Variants in ZNF678 observed in about 807,000 individuals in gnomAD.
ZNF678 encodes zinc finger protein 678.
Under a neutral mutation model 3.0 loss-of-function variants are expected in ZNF678, and 5 were observed. The ratio of observed to expected loss-of-function variants is 1.69; its 90% confidence interval spans 0.88 to 3.56. ZNF678 has a LOEUF of 3.56. Ranked by LOEUF, ZNF678 falls within the 30% of genes most tolerant of loss-of-function variation. ZNF678 has a pLI of 0.00. For synonymous variants in ZNF678, 218 were observed against 199.6 expected (o/e 1.09, Z -0.78); for missense variants, 593 against 605.0 (o/e 0.98, Z 0.21).
chr1:227,612,111 C>T (rs1236855565), intron 1 of ZNF678, among the ~76,000 whole-genome samples: 1 of 152,168 alleles, frequency 6.6e-6, no homozygotes, highest in Non-Finnish European at 1.5e-5. Flanking sequence ...GGTGTACCTA[C>T]TTTAGTGATG....
At chr1:227,579,113 A>G (rs1201164774) in intron 1 of ZNF678, among the ~76,000 whole-genome samples, 1 of 152,098 alleles carries the variant, frequency 6.6e-6, no homozygotes, top group Non-Finnish European at 1.5e-5. Context: ...AATCCACTGC[A>G]CTGTATATAT....
At chr1:227,588,007 C>T (rs1027413475) in intron 1 of ZNF678, among the ~76,000 whole-genome samples, 1 of 152,128 alleles carries the variant, frequency 6.6e-6, no homozygotes, top group South Asian at 2.1e-4. Flanking sequence ...AACAGGTGCC[C>T]AGTGTGTGTT....
chr1:227,644,386 CA>C (rs903783675), intron 1 of ZNF678, among the ~76,000 whole-genome samples: 2 of 152,152 alleles, frequency 1.3e-5, no homozygotes, highest in Non-Finnish European at 2.9e-5. Context: ...TGTTTGTGCA[CA>C]AGTTGTTTCC....
In ZNF678 at chr1:227,588,138, C is replaced by T. The variant is rs141244003; in HGVS notation, c.-164+24414C>T. ...GAGAATAATGGTTTCCAACTCCATC[C>T]GTGTCCCTGCAAAGGACATGATCTC... On this transcript the variant is annotated intron_variant, in intron 1 of 3. Coordinates refer to ENST00000343776, the MANE Select transcript of ZNF678 (RefSeq NM_001367909.1). Among the ~76,000 whole-genome samples the T allele has an allele frequency of 5.2e-3, 794 of 152,228 alleles. 3 individuals are homozygous for T. The highest frequency in any genetic ancestry group is 5.7e-3 in the Non-Finnish European group (390 of 68,026).
intron 5 of ZNF678, among the ~76,000 whole-genome samples, chr1:227,668,081 A>G (rs1376276326): frequency 6.6e-6 from 1 of 152,220 alleles, no homozygotes; most frequent in Non-Finnish European, 1.5e-5. Context: ...TGGAAACCTC[A>G]GGAGATTCAG....
chr1:227,593,798 C>T (rs928797311), intron 1 of ZNF678, among the ~76,000 whole-genome samples: 1 of 151,344 alleles, frequency 6.6e-6, no homozygotes, highest in Non-Finnish European at 1.5e-5. Flanking sequence ...CCCCTGGGAC[C>T]ATGGCCCACA....
In ZNF678 at chr1:227,654,849, A is replaced by T; in HGVS notation, c.599A>T (p.Lys200Met). 6.2e-7 allele frequency: 1 copy of T among 1,612,518 alleles called. No homozygotes were observed. ...FNWWSQLTSH[K>M]KIHSGEKPYP... ...TGGTGGTCACAACTAACTAGCCATA[A>T]GAAAATTCATAGTGGAGAGAAACCA... is the stretch of plus-strand genomic sequence containing the variant. Residue 200 changes from lysine (K) to methionine (M), a missense_variant, in exon 4 of 4, where the codon AAG becomes ATG. Physicochemically the swap from Lys to Met is moderately conservative, Grantham distance 95. Coordinates refer to ENST00000343776, the MANE Select transcript of ZNF678 (RefSeq NM_001367909.1).
chr1:227,593,861 C>T (rs997938228), intron 1 of ZNF678, among the ~76,000 whole-genome samples: 9 of 69,658 alleles, frequency 1.3e-4, no homozygotes, highest in Non-Finnish European at 2.0e-4. Flanking sequence ...TCCATCCCCC[C>T]CCCCCCTTTT....
At chr1:227,572,690 C>T (rs73090994) in intron 1 of ZNF678, among the ~76,000 whole-genome samples, 2,552 of 152,250 alleles carry the variant, frequency 0.017, 60 homozygotes, top group South Asian at 0.057. Context: ...GGGGCCTTTC[C>T]GGAGCCCCAA....
intron 1 of ZNF678, among the ~76,000 whole-genome samples, chr1:227,603,238 G>A (rs891235847): frequency 3.9e-5 from 6 of 152,152 alleles, no homozygotes; most frequent in Admixed American, 2.6e-4. Context: ...GGCATGGGGC[G>A]GGGGGAATGT....
chr1:227,610,026 C>T (rs1186285121), intron 1 of ZNF678, among the ~76,000 whole-genome samples: 1 of 152,106 alleles, frequency 6.6e-6, no homozygotes, highest in East Asian at 1.9e-4. Context: ...AGCCACCGCG[C>T]TCGACCCTCC....
At chr1:227,624,129 C>T (rs189432457) in intron 1 of ZNF678, among the ~76,000 whole-genome samples, 1 of 152,192 alleles carries the variant, frequency 6.6e-6, no homozygotes, top group African/African-American at 2.4e-5. Flanking sequence ...AAATACTTAT[C>T]TGTTTGGACA....
intron 1 of ZNF678, among the ~76,000 whole-genome samples, chr1:227,643,858 CT>C (rs1658885618): frequency 1.5e-5 from 2 of 136,532 alleles, no homozygotes; most frequent in Non-Finnish European, 3.1e-5. Flanking sequence ...CTTTTCTTTT[CT>C]TTTCTTTTTT....
rs550035062 is a variant in ZNF678, at chr1:227,602,479, A to G, written c.-164+38755A>G. ...CAGTAGTGTTTCATCAGAGATTTCA[A>G]GTCTCTTATTTGGACCACACACCCT... On this transcript the variant is annotated intron_variant, in intron 1 of 3. Transcript: ENST00000343776. Among the ~76,000 whole-genome samples, 7 of 152,318 alleles carry G rather than the reference A, an allele frequency of 4.6e-5. No homozygotes were observed. The East Asian group carries it at 1.4e-3, about 29-fold the overall frequency.
At chr1:227,583,143 CTAT>C (rs1342385888) in intron 1 of ZNF678, among the ~76,000 whole-genome samples, 2 of 151,914 alleles carry the variant, frequency 1.3e-5, no homozygotes, top group Non-Finnish European at 1.5e-5. Context: ...TCCGTTGGGT[CTAT>C]TATTTCTAAG....
At chr1:227,579,127 G>T (rs955983898) in intron 1 of ZNF678, among the ~76,000 whole-genome samples, 2 of 152,092 alleles carry the variant, frequency 1.3e-5, no homozygotes, top group South Asian at 2.1e-4. Flanking sequence ...TATATATGGT[G>T]GGGGGTGAGG....
At chr1:227,672,002 T>C (rs189022837) in intron 5 of ZNF678, among the ~76,000 whole-genome samples, 4 of 152,254 alleles carry the variant, frequency 2.6e-5, no homozygotes, top group East Asian at 3.9e-4. Flanking sequence ...GATTCAGAAA[T>C]GCAGTGATGC....
chr1:227,671,220 G>A (rs544687743), intron 5 of ZNF678, among the ~76,000 whole-genome samples: 2 of 151,080 alleles, frequency 1.3e-5, no homozygotes, highest in East Asian at 2.0e-4. Flanking sequence ...GATACTGCAG[G>A]CACATGCCAC....
At chr1:227,671,074 C>CT (rs200510182) in intron 5 of ZNF678, among the ~76,000 whole-genome samples, 62 of 120,512 alleles carry the variant, frequency 5.1e-4, no homozygotes, top group Admixed American at 7.1e-4. Context: ...AGTGGATCAC[C>CT]TTTTTTTTTT....
Sources: allele counts gnomAD v4.1 joint callset (sites outside exome capture counted in the v4.1 genomes callset), GRCh38; gene constraint gnomAD v4.1.1; transcripts MANE v1.5; gene names NCBI Gene and HGNC (gene_info 2026-07-23, HGNC 2026-07-21).